POM121: variants seen among roughly 807,000 people sequenced by gnomAD.
POM121 encodes the protein POM121 transmembrane nucleoporin, also known as nuclear envelope pore membrane protein POM 121.
In POM121, 32 loss-of-function variants were observed where a neutral mutation model predicts 81.3. That is an observed-to-expected ratio of 0.39 (90% CI 0.30 to 0.53). The LOEUF (loss-of-function observed/expected upper bound fraction) is 0.53. Among genes scored for constraint, POM121 ranks in the 20% least tolerant of loss-of-function variants. The pLI, the probability that POM121 is intolerant of heterozygous loss-of-function variation, is 0.66. For missense variants in POM121, 1,138 were observed against 1,614.6 expected (o/e 0.70, Z 5.06); for synonymous variants, 514 against 694.2 (o/e 0.74, Z 4.08).
At chr7:72,879,775 C>T (rs1789943846) in exon 1 of POM121, 1 of 494,264 alleles carries the variant, frequency 2.0e-6, no homozygotes, top group Non-Finnish European at 4.0e-6. Flanking sequence ...GCAGAACAGC[C>T]TTGGTGAGGT....
At chr7:72,918,626 A>T (rs1794513599) in intron 4 of POM121, among the ~76,000 whole-genome samples, 1 of 152,136 alleles carries the variant, frequency 6.6e-6, no homozygotes, top group South Asian at 2.1e-4. Context: ...ATATTTTATT[A>T]TACTGGAACA....
intron 3 of POM121, among the ~76,000 whole-genome samples, chr7:72,906,236 G>A (rs1793220992): frequency 6.6e-6 from 1 of 152,162 alleles, no homozygotes; most frequent in South Asian, 2.1e-4. Context: ...GATGTCCCTG[G>A]GGAAGCCACT....
At chr7:72,914,101 G>A (rs1468099431) in intron 4 of POM121, among the ~76,000 whole-genome samples, 5 of 152,198 alleles carry the variant, frequency 3.3e-5, no homozygotes, top group Admixed American at 6.5e-5. Flanking sequence ...CTGTGTTGTC[G>A]TGGAATGCTT....
chr7:72,946,232 T>A lies in POM121; in HGVS notation c.3748T>A (p.Ter1250LysextTer21), dbSNP rs1163583041. The A allele has an allele frequency of 3.7e-6, 6 of 1,611,488 alleles. No individual in the cohort carries two copies. The highest frequency in any genetic ancestry group is 5.1e-6 in the Non-Finnish European group (6 of 1,179,626). ...QARRQHTRKK[*>K] is the part of the protein sequence containing the mutation. ...CCGAAGGCAGCACACCCGCAAAAAG[T>A]AGCCTTTGTCCCCTGTCCCTGTTCC... The change falls in exon 13 of 13, where the codon TAG (stop) becomes AAG (lysine). Residue 1250 changes from the stop codon to lysine, a stop_lost. Coordinates refer to ENST00000434423, the MANE Select transcript of POM121 (RefSeq NM_001387691.1).
chr7:72,943,202 G>A lies in POM121; in HGVS notation c.3209G>A (p.Ser1070Asn), dbSNP rs781875262. Residue 1070 changes from serine (S) to asparagine (N), a missense_variant, in exon 11 of 13, where the codon AGC becomes AAC. By Grantham distance (46) the Ser-to-Asn change is conservative (BLOSUM62 1). This residue lies in a region of POM121 where 336 missense variants were observed against 344.3 expected (regional missense o/e 0.98). Transcript: ENST00000434423. The part of the protein sequence containing the change: ...STAVFFGAAT[S>N]SGFGATTQTA... ...GCTGTCTTCTTCGGTGCAGCCACCAGCTCCGGCTTTGGAGCCACCACCCAG... is the reference window on the plus strand; with the variant it reads ...GCTGTCTTCTTCGGTGCAGCCACCAACTCCGGCTTTGGAGCCACCACCCAG... The A allele has an allele frequency of 3.7e-6, 6 of 1,613,068 alleles. No homozygotes were observed. Among genetic ancestry groups the A allele is most frequent in the Non-Finnish European group, 5.1e-6 (6 of 1,179,806 alleles).
chr7:72,924,958 G>A (rs1275494909), upstream of POM121: 15 of 1,233,368 alleles, frequency 1.2e-5, no homozygotes, highest in East Asian at 4.2e-4. Flanking sequence ...AGAAACAGGC[G>A]TTAAAGGCAG....
At chr7:72,900,031 A>T (rs192166464) in intron 3 of POM121, among the ~76,000 whole-genome samples, 213 of 152,332 alleles carry the variant, frequency 1.4e-3, no homozygotes, top group Admixed American at 2.9e-3. Flanking sequence ...TTTTCAGAAT[A>T]TTAGGCATCA....
Position 72,915,671 on chromosome 7 carries a change from A to T in POM121, c.-152+1843A>T, listed in dbSNP as rs369031007. Among the ~76,000 whole-genome samples the T allele has an allele frequency of 7.2e-5, 11 of 151,740 alleles. No homozygotes were observed. In the East Asian group the frequency reaches 1.8e-3, roughly 24 times the overall value. On this transcript the variant is annotated intron_variant, in intron 4 of 15. Transcript: ENST00000395270. ...ATTACAAGTATGAGCCACTGCGCCC[A>T]AGCTTTTTGTTTGTGTTTTGAGACA...
intron 5 of POM121, among the ~76,000 whole-genome samples, chr7:72,933,975 G>C (rs560595308): frequency 6.6e-6 from 1 of 151,874 alleles, no homozygotes; most frequent in African/African-American, 2.4e-5. Context: ...TCTATTATTC[G>C]GGCTTTTAAA....
At chr7:72,923,746 C>T (rs1343983728), upstream of POM121, among the ~76,000 whole-genome samples, 1 of 142,780 alleles carries the variant, frequency 7.0e-6, no homozygotes, top group African/African-American at 2.6e-5. Flanking sequence ...ACTACAGGCG[C>T]CCGCCACTAC....
chr7:72,888,819 A>C (rs1221862340), intron 1 of POM121, among the ~76,000 whole-genome samples: 1 of 152,110 alleles, frequency 6.6e-6, no homozygotes, highest in Non-Finnish European at 1.5e-5. Flanking sequence ...AATAATATTG[A>C]TGTTAATGAA....
At chr7:72,934,845 T>G (rs1796363419) in intron 5 of POM121, among the ~76,000 whole-genome samples, 1 of 152,052 alleles carries the variant, frequency 6.6e-6, no homozygotes, top group African/African-American at 2.4e-5. Flanking sequence ...TATATGTGGG[T>G]CCATTTCTAG....
chr7:72,925,022 C>T, upstream of POM121: 3 of 1,330,848 alleles, frequency 2.3e-6, no homozygotes, highest in Non-Finnish European at 2.9e-6. Flanking sequence ...GTAGCGTCTC[C>T]CGGAGTCGCG....
chr7:72,938,392 T>C (rs377586289), intron 5 of POM121, among the ~76,000 whole-genome samples, 198 bp from the exon 6 acceptor site: 28 of 152,228 alleles, frequency 1.8e-4, no homozygotes, highest in South Asian at 4.1e-4. Context: ...GGTCTCGCTA[T>C]GTTACCCAGG....
chr7:72,879,495 T>G (rs1469908017), exon 1 of POM121: 3 of 241,866 alleles, frequency 1.2e-5, no homozygotes, highest in African/African-American at 7.2e-5. Flanking sequence ...GCGGGAGCTG[T>G]GCGGCCCAGG....
intron 3 of POM121, among the ~76,000 whole-genome samples, chr7:72,927,374 A>G (rs546387398): frequency 4.6e-5 from 7 of 152,314 alleles, no homozygotes; most frequent in African/African-American, 1.7e-4. Flanking sequence ...TGAAAGAAAA[A>G]TGAAAACTAG....
chr7:72,948,840 G>C (rs782232462), downstream of POM121: 1 of 1,557,586 alleles, frequency 6.4e-7, no homozygotes, highest in Non-Finnish European at 8.9e-7. Flanking sequence ...TGCTGGGTAA[G>C]AGAGCAGTTC....
At chr7:72,932,192 A>G (rs1554498731) in intron 5 of POM121, among the ~76,000 whole-genome samples, 1 of 149,706 alleles carries the variant, frequency 6.7e-6, no homozygotes, top group Non-Finnish European at 1.5e-5. Flanking sequence ...CTAAAACAAG[A>G]TACACTCAAA....
In POM121 at chr7:72,930,627, T is replaced by A. The variant is rs144798823; in HGVS notation, c.1275+516T>A. Among the ~76,000 whole-genome samples, 55 of 152,332 alleles carry A rather than the reference T, an allele frequency of 3.6e-4. No homozygotes were observed. The East Asian group carries it at 0.01, about 28-fold the overall frequency. On this transcript the variant is annotated intron_variant, in intron 5 of 12. Transcript: ENST00000434423. ...GGGTTTTTAAACAAGTGGTCATGAT[T>A]TTTTGGAAAAGGGATTATCGCATAG...
Sources: gnomAD v4.1 joint callset for allele counts (sites outside exome capture counted in the v4.1 genomes callset) on GRCh38, gnomAD v4.1.1 for gene constraint, gnomAD v4.1.1 regional missense constraint, MANE v1.5 for transcripts, NCBI Gene and HGNC (gene_info 2026-07-23, HGNC 2026-07-21) for gene names.